ATRNL1: variants seen among roughly 807,000 people sequenced by gnomAD.
ATRNL1 encodes attractin-like protein 1.
Under a neutral mutation model 182.7 loss-of-function variants are expected in ATRNL1, and 95 were observed. The observed-to-expected ratio is 0.52, with a 90% CI of 0.44 to 0.62. ATRNL1 has a LOEUF of 0.62. ATRNL1 is among the 20% of genes least tolerant of loss of function. The probability of loss-of-function intolerance (pLI) is 0.00; values close to 1 mark genes in which losing one functional copy is unlikely to be tolerated. For missense variants in ATRNL1, 1,471 were observed against 1,679.5 expected (o/e 0.88, Z 2.17); for synonymous variants, 576 against 568.3 (o/e 1.01, Z -0.19).
At chr10:115,910,007 TGGA>T (rs1952625373) in intron 28 of ATRNL1, among the ~76,000 whole-genome samples, 1 of 151,662 alleles carries the variant, frequency 6.6e-6, no homozygotes, top group Non-Finnish European at 1.5e-5. Flanking sequence ...TGGGGAGGAG[TGGA>T]GGAGGAGAAG....
chr10:115,730,396 A>C (rs1947761113), intron 27 of ATRNL1, among the ~76,000 whole-genome samples: 1 of 151,872 alleles, frequency 6.6e-6, no homozygotes, highest in Non-Finnish European at 1.5e-5. Flanking sequence ...TTAGGTTCAA[A>C]GTTCTCTTCT....
intron 24 of ATRNL1, among the ~76,000 whole-genome samples, chr10:115,504,334 G>A (rs1446585023): frequency 1.3e-5 from 2 of 151,922 alleles, no homozygotes. Flanking sequence ...AAATTAGGAG[G>A]AATTTAGTTT....
chr10:115,465,614 TAAG>T (rs60894689), intron 22 of ATRNL1, among the ~76,000 whole-genome samples: 29,633 of 150,326 alleles, frequency 0.2, 3,069 homozygotes, highest in South Asian at 0.24. Flanking sequence ...CAATAGAAAA[TAAG>T]AAGGAAGTTA....
chr10:115,710,103 T>C (rs1947019345), intron 26 of ATRNL1, among the ~76,000 whole-genome samples: 1 of 150,502 alleles, frequency 6.6e-6, no homozygotes, highest in African/African-American at 2.4e-5. Context: ...TATAGCATTT[T>C]TCACCAAAAA....
intron 18 of ATRNL1, among the ~76,000 whole-genome samples, chr10:115,322,364 C>T (rs1554931782): frequency 6.6e-6 from 1 of 151,688 alleles, no homozygotes; most frequent in African/African-American, 2.4e-5. Flanking sequence ...TTATTTGTTG[C>T]CATGGCCCCA....
chr10:115,735,007 T>G (rs1947907437), intron 27 of ATRNL1, among the ~76,000 whole-genome samples: 1 of 152,170 alleles, frequency 6.6e-6, no homozygotes, highest in African/African-American at 2.4e-5. Flanking sequence ...TTTTCTTTGT[T>G]TTTGTTACCT....
At chr10:115,919,211 A>G (rs1952971311) in intron 28 of ATRNL1, among the ~76,000 whole-genome samples, 1 of 152,228 alleles carries the variant, frequency 6.6e-6, no homozygotes, top group Admixed American at 6.5e-5. Context: ...ACTGATTGTG[A>G]TTATGCAAAA....
At chr10:115,345,921 C>T (rs1387147712) in intron 19 of ATRNL1, among the ~76,000 whole-genome samples, 1 of 152,092 alleles carries the variant, frequency 6.6e-6, no homozygotes, top group African/African-American at 2.4e-5. Context: ...TAGCAAGTAC[C>T]AGTACTTAAT....
At chr10:115,285,253 A>G (rs1554918280) in intron 14 of ATRNL1, among the ~76,000 whole-genome samples, 1 of 152,122 alleles carries the variant, frequency 6.6e-6, no homozygotes, top group Admixed American at 6.6e-5. Flanking sequence ...TTTTAATTTT[A>G]AAACGCTCCA....
intron 26 of ATRNL1, among the ~76,000 whole-genome samples, chr10:115,561,690 G>GGGGTGTGTGTGTGT (rs1554999705): frequency 4.8e-4 from 24 of 50,446 alleles, no homozygotes; most frequent in African/African-American, 1.6e-3. Flanking sequence ...TGTGTGTGTG[G>GGGGTGTGTGTGTGT]GTGTGTGTGT....
chr10:115,591,611 C>A (rs1460707185), intron 26 of ATRNL1, among the ~76,000 whole-genome samples: 2 of 152,198 alleles, frequency 1.3e-5, no homozygotes. Context: ...TCTGACCATG[C>A]AGAAACATGA....
intron 24 of ATRNL1, among the ~76,000 whole-genome samples, chr10:115,485,673 T>A (rs1410933418): frequency 1.3e-5 from 2 of 152,120 alleles, no homozygotes; most frequent in African/African-American, 4.8e-5. Context: ...TTTTTAAGTT[T>A]ATAAATTATT....
chr10:115,759,275 G>A (rs1948671440), intron 27 of ATRNL1, among the ~76,000 whole-genome samples: 1 of 152,140 alleles, frequency 6.6e-6, no homozygotes, highest in Admixed American at 6.6e-5. Flanking sequence ...GTGACAGTTT[G>A]CACTAGTGAA....
chr10:115,559,441 T>TGCGCGCGC (rs782381760), intron 26 of ATRNL1, among the ~76,000 whole-genome samples: 6 of 15,292 alleles, frequency 3.9e-4, no homozygotes, highest in East Asian at 2.6e-3. Context: ...TGTGTGTGTG[T>TGCGCGCGC]GTGCGCGCGC....
At chr10:115,184,440 A>C (rs1372284333) in intron 8 of ATRNL1, among the ~76,000 whole-genome samples, 1 of 151,536 alleles carries the variant, frequency 6.6e-6, no homozygotes, top group South Asian at 2.1e-4. Flanking sequence ...ATATATATAC[A>C]CACAACTATA....
intron 26 of ATRNL1, among the ~76,000 whole-genome samples, chr10:115,588,666 G>A (rs1373356528): frequency 6.6e-6 from 1 of 152,164 alleles, no homozygotes; most frequent in African/African-American, 2.4e-5. Context: ...CCCCAGGTAG[G>A]GTTTGTGTGT....
intron 26 of ATRNL1, among the ~76,000 whole-genome samples, chr10:115,723,524 C>G (rs1454816699): frequency 1.9e-5 from 2 of 108,024 alleles, no homozygotes; most frequent in Non-Finnish European, 4.1e-5. Context: ...CGTAGATATT[C>G]TTTTCTTTTG....
intron 27 of ATRNL1, among the ~76,000 whole-genome samples, chr10:115,821,135 C>T (rs1950286414): frequency 6.6e-6 from 1 of 152,138 alleles, no homozygotes; most frequent in South Asian, 2.1e-4. Context: ...TCAATTAAAC[C>T]TCTTTCCTTT....
chr10:115,444,025 A>G (rs1288498161), intron 21 of ATRNL1, among the ~76,000 whole-genome samples: 1 of 152,180 alleles, frequency 6.6e-6, no homozygotes, highest in Non-Finnish European at 1.5e-5. Context: ...TCAAGCAGAC[A>G]AAATTCAGAA....
Sources: allele counts gnomAD v4.1 joint callset (sites outside exome capture counted in the v4.1 genomes callset), GRCh38; gene constraint gnomAD v4.1.1; transcripts MANE v1.5; gene names NCBI Gene and HGNC (gene_info 2026-07-23, HGNC 2026-07-21).